Variants in ABL1 observed in about 807,000 individuals in gnomAD.
ABL1 encodes the protein ABL proto-oncogene 1, non-receptor tyrosine kinase.
A neutral mutation model predicts 94.7 loss-of-function variants in ABL1; 11 were observed. The observed-to-expected ratio is 0.12, with a 90% CI of 0.07 to 0.19. The LOEUF (loss-of-function observed/expected upper bound fraction) is 0.19. Ranked by LOEUF, ABL1 falls within the 10% of genes least tolerant of loss-of-function variation. ABL1 has a pLI of 1.00. For synonymous variants in ABL1, 656 were observed against 622.4 expected (o/e 1.05, Z -0.80); for missense variants, 1,082 against 1,489.4 (o/e 0.73, Z 4.50).
Position 130,863,290 on chromosome 9 carries a change from T to C in ABL1, c.822+255T>C, listed in dbSNP as rs775762768. On this transcript the variant is annotated intron_variant, in intron 4 of 10. Transcript: ENST00000318560. The surrounding 1 kb of genome is among the most constrained non-coding windows in gnomAD (Gnocchi z 4.3). ...GGTTTTGGTGTAAAAAGATTAGTCA[T>C]TTGGAGAGGTTTTCTCATTTTATGG... 3.9e-5 allele frequency among the ~76,000 whole-genome samples: 6 copies of C among 152,142 alleles called. No individual in the cohort carries two copies. Among genetic ancestry groups the C allele is most frequent in the Non-Finnish European group, 7.4e-5 (5 of 68,022 alleles).
chr9:130,875,150 T>G, intron 7 of ABL1, 98 bp downstream of exon 7: 1 of 1,354,394 alleles, frequency 7.4e-7, no homozygotes, highest in Non-Finnish European at 1.0e-6. Flanking sequence ...TCCTTTCTTT[T>G]TGTTTTTTTG....
At chr9:130,804,242 C>T (rs1830094043) in intron 1 of ABL1, among the ~76,000 whole-genome samples, 1 of 151,950 alleles carries the variant, frequency 6.6e-6, no homozygotes, top group African/African-American at 2.4e-5. Context: ...GCCTGTAGTA[C>T]CAGCTACCTG....
chr9:130,744,635 G>A (rs1330429748), intron 1 of ABL1, among the ~76,000 whole-genome samples: 6 of 150,266 alleles, frequency 4.0e-5, no homozygotes, highest in Non-Finnish European at 4.4e-5. Flanking sequence ...GGCGGATCAC[G>A]AGGTCAGGAG....
chr9:130,876,937 CTG>C (rs1831356052), intron 7 of ABL1, among the ~76,000 whole-genome samples: 1 of 146,658 alleles, frequency 6.8e-6, no homozygotes, highest in African/African-American at 2.6e-5. Context: ...CGGGGTTTCA[CTG>C]CGTTAGCCAG....
chr9:130,820,802 T>C (rs962667328), intron 1 of ABL1, among the ~76,000 whole-genome samples: 1 of 152,210 alleles, frequency 6.6e-6, no homozygotes, highest in Non-Finnish European at 1.5e-5. Context: ...CATATTGCTT[T>C]TTCCCCTTTT....
chr9:130,843,350 T>C (rs1830707689), intron 1 of ABL1, among the ~76,000 whole-genome samples: 1 of 152,186 alleles, frequency 6.6e-6, no homozygotes, highest in African/African-American at 2.4e-5. Flanking sequence ...GGTGCCACAG[T>C]TGGCATCCAT....
chr9:130,735,959 A>ATTTTTTTT (rs1168330887), intron 1 of ABL1, among the ~76,000 whole-genome samples: 74 of 81,716 alleles, frequency 9.1e-4, no homozygotes, highest in African/African-American at 5.7e-3. Flanking sequence ...ATATATATAT[A>ATTTTTTTT]TATTTTTTTT....
chr9:130,849,430 G>A (rs969166857), intron 1 of ABL1, among the ~76,000 whole-genome samples: 4 of 152,130 alleles, frequency 2.6e-5, no homozygotes, highest in South Asian at 4.1e-4. Context: ...GGCTGTCAGC[G>A]TCAAAAAGAT....
chr9:130,869,116 G>A (rs7848698), intron 4 of ABL1, among the ~76,000 whole-genome samples: 40,484 of 151,694 alleles, frequency 0.27, 8,800 homozygotes, highest in African/African-American at 0.6. Flanking sequence ...GCAGTGAGCC[G>A]AGATCGCGCC....
At chr9:130,759,034 T>C (rs1588227394) in intron 1 of ABL1, among the ~76,000 whole-genome samples, 1 of 152,198 alleles carries the variant, frequency 6.6e-6, no homozygotes, top group African/African-American at 2.4e-5. Flanking sequence ...TGGTCATTGC[T>C]GTTTGTCGTA....
At chr9:130,861,762 A>G (rs1462474033) in intron 3 of ABL1, among the ~76,000 whole-genome samples, 2 of 152,230 alleles carry the variant, frequency 1.3e-5, no homozygotes, top group African/African-American at 4.8e-5. Context: ...TACCCTGAGC[A>G]AGCCAGTAGA....
intron 1 of ABL1, among the ~76,000 whole-genome samples, chr9:130,773,340 AAAAT>A (rs1326707818): frequency 1.3e-5 from 2 of 152,184 alleles, no homozygotes; most frequent in Admixed American, 6.5e-5. Flanking sequence ...AAAAATTTAA[AAAAT>A]AAATAAAAAA....
intron 1 of ABL1, among the ~76,000 whole-genome samples, chr9:130,717,390 A>G (rs1831456198): frequency 6.6e-6 from 1 of 152,164 alleles, no homozygotes. Context: ...AATCATGCAC[A>G]GGTTAAAGAT....
At chr9:130,798,661 C>T (rs1830012150) in intron 1 of ABL1, among the ~76,000 whole-genome samples, 2 of 152,146 alleles carry the variant, frequency 1.3e-5, no homozygotes, top group Non-Finnish European at 1.5e-5. Flanking sequence ...ACAGTAACAA[C>T]GGATTCTTTA....
At chr9:130,834,800 TCA>T (rs946600603), upstream of ABL1, 26 of 450,458 alleles carry the variant, frequency 5.8e-5, no homozygotes, top group South Asian at 2.5e-4. Context: ...TCAGCCTTAA[TCA>T]CAGGACGCGC....
At position 130,864,896 on chromosome 9, in the gene ABL1, C is replaced by T. The variant is rs7038014; in HGVS notation, c.822+1861C>T. 9.8e-3 allele frequency among the ~76,000 whole-genome samples: 1,498 copies of T among 152,284 alleles called. 27 individuals are homozygous for T. Among genetic ancestry groups the T allele is most frequent in the African/African-American group, 0.034 (1,396 of 41,546 alleles). On this transcript the variant is annotated intron_variant, in intron 4 of 10. Coordinates refer to ENST00000318560, the MANE Select transcript of ABL1 (RefSeq NM_005157.6). Reference sequence around the variant, plus strand: ...TTGTCAAATGAAGGAAGATTCCAAGCGCAAAATACCCTAGATTTCAACCAG... The same window carrying T: ...TTGTCAAATGAAGGAAGATTCCAAGTGCAAAATACCCTAGATTTCAACCAG...
chr9:130,843,814 A>G (rs1369939221), intron 1 of ABL1, among the ~76,000 whole-genome samples: 2 of 152,054 alleles, frequency 1.3e-5, no homozygotes, highest in Non-Finnish European at 2.9e-5. Context: ...GGGATCTGAA[A>G]GGAGTTTGGA....
At chr9:130,796,465 C>G (rs1033824391) in intron 1 of ABL1, among the ~76,000 whole-genome samples, 20 of 151,928 alleles carry the variant, frequency 1.3e-4, no homozygotes, top group Non-Finnish European at 2.6e-4. Flanking sequence ...GGGCCGAGAT[C>G]AATCACACCA....
intron 1 of ABL1, among the ~76,000 whole-genome samples, chr9:130,732,066 C>G (rs534738495): frequency 1.8e-4 from 28 of 151,638 alleles, no homozygotes; most frequent in African/African-American, 6.5e-4. Flanking sequence ...GTACTTGTCC[C>G]TTGATAGTGG....
Sources: gnomAD v4.1 joint callset for allele counts (sites outside exome capture counted in the v4.1 genomes callset) on GRCh38, gnomAD v4.1.1 for gene constraint, Gnocchi (gnomAD v3.1) non-coding constraint, MANE v1.5 for transcripts, NCBI Gene and HGNC (gene_info 2026-07-23, HGNC 2026-07-21) for gene names.